Variants in PPIL6 observed in about 807,000 individuals in gnomAD.
The protein encoded by PPIL6 is probable inactive peptidyl-prolyl cis-trans isomerase-like 6.
Under a neutral mutation model 36.8 loss-of-function variants are expected in PPIL6, and 39 were observed. That is an observed-to-expected ratio of 1.06 (90% CI 0.82 to 1.38). The LOEUF is 1.38. Ranked by LOEUF, PPIL6 falls within the 40% of genes most tolerant of loss-of-function variation. The pLI is 0.00. For missense variants in PPIL6, 368 were observed against 379.1 expected, an observed-to-expected ratio of 0.97 and a Z score of 0.24; for synonymous variants, 123 against 134.1, an observed-to-expected ratio of 0.92 and a Z score of 0.57.
At chr6:109,402,989 T>TCTGC in intron 6 of PPIL6, 2 of 1,291,432 alleles carry the variant, frequency 1.5e-6, no homozygotes. Flanking sequence ...GTTATTTTGT[T>TCTGC]CTGCCGTGTC....
chr6:109,440,307 A>C lies in PPIL6; in HGVS notation c.135+149T>G, dbSNP rs966196178. ...ACTCTCCTCCCGGTCCTCCAGACGG[A>C]GCCCGCCCGGCCAGGACACGCCAGC... On this transcript the variant is annotated intron_variant, in intron 1 of 7. Coordinates refer to ENST00000521072, the MANE Select transcript of PPIL6 (RefSeq NM_173672.5). 3.4e-5 allele frequency: 35 copies of C among 1,022,128 alleles called. No individual in the cohort carries two copies. In the African/African-American group the frequency reaches 5.0e-4, roughly 15 times the overall value. The allele number at this position is 1,022,128 out of a possible 1,614,324, so 63.3% of individuals were successfully genotyped here. A position where few individuals can be genotyped will look rare whatever the true frequency, so the allele number is the denominator to read the frequency against.
In PPIL6 at chr6:109,398,073, G is replaced by T. The variant is rs547761627; in HGVS notation, c.824+1962C>A. On this transcript the variant is annotated intron_variant, in intron 7 of 7. Transcript: ENST00000521072. ...TGCCCAGCTAATTTTTGTATTTTTA[G>T]GAGAGATGGGGTTTCACCATGTTGG... Among the ~76,000 whole-genome samples the T allele has an allele frequency of 1.6e-4, 24 of 152,162 alleles. No homozygotes were observed. The Middle Eastern group carries it at 0.01, about 65-fold the overall frequency.
rs1774424734 is a variant in PPIL6 at position 109,435,989 on chromosome 6, A to C, written c.231+115T>G. On this transcript the variant is annotated intron_variant, in intron 2 of 7. Transcript: ENST00000521072. ...TTAGGAAAAGTACGTAATGTAGAGA[A>C]ATAAAATCTAGTTACACTAAAATTA... 9.4e-6 allele frequency: 7 copies of C among 742,166 alleles called. No homozygotes were observed. In the Admixed American group the frequency reaches 1.5e-4, roughly 16 times the overall value. The allele number at this position is 742,166 out of a possible 1,614,324, so 46.0% of individuals were successfully genotyped here. A position where few individuals can be genotyped will look rare whatever the true frequency, so the allele number is the denominator to read the frequency against.
intron 5 of PPIL6, among the ~76,000 whole-genome samples, chr6:109,425,715 A>C (rs1012943947): frequency 6.7e-6 from 1 of 149,720 alleles, no homozygotes; most frequent in African/African-American, 2.5e-5. Flanking sequence ...GTGCCACTGC[A>C]CTACAGCCTG....
chr6:109,416,200 C>CT (rs35427534), intron 6 of PPIL6, among the ~76,000 whole-genome samples: 14,935 of 112,500 alleles, frequency 0.13, 1,286 homozygotes, highest in East Asian at 0.34. Context: ...TCTTTTGTGG[C>CT]TTTTTTTTTT....
intron 6 of PPIL6, among the ~76,000 whole-genome samples, chr6:109,400,953 G>A (rs1382267920): frequency 3.3e-5 from 5 of 151,728 alleles, no homozygotes; most frequent in Admixed American, 2.0e-4. Flanking sequence ...TCCGCCTCCC[G>A]GGTTCACGCC....
chr6:109,429,808 C>T (rs1774031479), intron 3 of PPIL6, among the ~76,000 whole-genome samples: 2 of 152,200 alleles, frequency 1.3e-5, no homozygotes, highest in African/African-American at 4.8e-5. Context: ...AGCTGTTGTC[C>T]AGCTTTCCTG....
chr6:109,428,832 T>C (rs1222443164), intron 3 of PPIL6, among the ~76,000 whole-genome samples: 1 of 152,116 alleles, frequency 6.6e-6, no homozygotes, highest in East Asian at 1.9e-4. Flanking sequence ...GGAGGCATAA[T>C]ATAGTAAACT....
chr6:109,413,090 G>A lies in PPIL6; in HGVS notation c.688+6097C>T, dbSNP rs1222719641. On this transcript the variant is annotated intron_variant, in intron 6 of 7. Transcript: ENST00000521072. The surrounding 1 kb of genome is among the most constrained non-coding windows in gnomAD (Gnocchi z 4.6). ...GGAGAATTGCTTGAACCCAGGCAGC[G>A]GAGGTTGCAGTGAGCTGAGATGGCA... is the stretch of plus-strand genomic sequence containing the variant. Among the ~76,000 whole-genome samples the A allele has an allele frequency of 9.9e-5, 15 of 152,248 alleles. No homozygotes were observed. The South Asian group carries it at 1.7e-3, about 17-fold the overall frequency.
rs1375388453 is a variant in PPIL6, at chr6:109,399,099, TTTA to T, written c.824+933_824+935del. On this transcript the variant is annotated intron_variant, in intron 7 of 7. Transcript: ENST00000521072. Reference sequence around the variant, plus strand: ...CACCACCACACCCAGCTAATTTTTATTTATTTATTTATTTATTTATTTATTTAA... The same window carrying T: ...CACCACCACACCCAGCTAATTTTTATTTTATTTATTTATTTATTTATTTAA... Among the ~76,000 whole-genome samples, 17 of 77,154 alleles carry T rather than the reference TTTA, an allele frequency of 2.2e-4. No homozygotes were observed. The Admixed American group carries it at 2.4e-3, about 11-fold the overall frequency. The allele number at this position is 77,154 out of a possible 152,430, so 50.6% of individuals were successfully genotyped here. A position where few individuals can be genotyped will look rare whatever the true frequency, so the allele number is the denominator to read the frequency against.
At chr6:109,438,087 T>C (rs1562277063) in intron 1 of PPIL6, among the ~76,000 whole-genome samples, 1 of 152,170 alleles carries the variant, frequency 6.6e-6, no homozygotes, top group Non-Finnish European at 1.5e-5. Flanking sequence ...ATATAATAAT[T>C]GCACATATTT....
At chr6:109,433,483 C>T (rs995823521) in intron 2 of PPIL6, among the ~76,000 whole-genome samples, 4 of 152,252 alleles carry the variant, frequency 2.6e-5, no homozygotes, top group Non-Finnish European at 5.9e-5. Flanking sequence ...CTTCCTCTGT[C>T]TCCTCTATAC....
At position 109,390,431 on chromosome 6, in the gene PPIL6, C is replaced by A. The variant is rs1426410379; in HGVS notation, c.*2395G>T. 2 of 152,126 alleles carry A rather than the reference C, an allele frequency of 1.3e-5. No individual in the cohort carries two copies. Among genetic ancestry groups the A allele is most frequent in the African/African-American group, 4.8e-5 (2 of 41,424 alleles). The allele number at this position is 152,126 out of a possible 1,614,324, so 9.4% of individuals were successfully genotyped here. ...GGAATGGCAGAGCCAGGATTCTGGCCCTAGAACACACATTCTTAACACTAT... is the reference window on the plus strand; with the variant it reads ...GGAATGGCAGAGCCAGGATTCTGGCACTAGAACACACATTCTTAACACTAT... On this transcript the variant is annotated 3_prime_UTR_variant, in exon 8 of 8. Coordinates refer to ENST00000521072, the MANE Select transcript of PPIL6 (RefSeq NM_173672.5).
At chr6:109,405,407 C>T (rs1347408308) in intron 6 of PPIL6, among the ~76,000 whole-genome samples, 3 of 152,170 alleles carry the variant, frequency 2.0e-5, no homozygotes, top group Non-Finnish European at 4.4e-5. Context: ...TTACCTCCAT[C>T]CCTTTCTTTT....
intron 3 of PPIL6, among the ~76,000 whole-genome samples, chr6:109,430,670 CTG>C (rs1774093751): frequency 6.6e-6 from 1 of 152,216 alleles, no homozygotes; most frequent in South Asian, 2.1e-4. Context: ...TGTGATCCAC[CTG>C]CCTTGGCCTC....
chr6:109,390,395 T>G lies in PPIL6; in HGVS notation c.*2431A>C, dbSNP rs1772055134. The G allele has an allele frequency of 6.6e-6, 1 of 152,242 alleles. No homozygotes were observed. Among genetic ancestry groups the G allele is most frequent in the Admixed American group, 6.5e-5 (1 of 15,288 alleles). The allele number at this position is 152,242 out of a possible 1,614,324, so 9.4% of individuals were successfully genotyped here. On this transcript the variant is annotated 3_prime_UTR_variant, in exon 8 of 8. Transcript: ENST00000521072. ...GCACAGAAAAGTTCTTGCCTGAGTT[T>G]GTGCAGCTAGGGAATGGCAGAGCCA...
In PPIL6 at chr6:109,403,373, A is replaced by G. The variant is rs906385070; in HGVS notation, c.689-3203T>C. ...CATTTCATTTAACACTTAAAACATT[A>G]AGTTGCTTTATACTTCCATGATATC... On this transcript the variant is annotated intron_variant, in intron 6 of 7. Transcript: ENST00000521072. Among the ~76,000 whole-genome samples the G allele has an allele frequency of 3.9e-5, 6 of 152,160 alleles. No individual in the cohort carries two copies. In the East Asian group the frequency reaches 1.2e-3, roughly 29 times the overall value.
intron 6 of PPIL6, among the ~76,000 whole-genome samples, chr6:109,407,653 C>T (rs992999569): frequency 6.6e-6 from 1 of 152,142 alleles, no homozygotes; most frequent in Non-Finnish European, 1.5e-5. Flanking sequence ...TCCATAATTA[C>T]TCAATGACTT....
intron 6 of PPIL6, among the ~76,000 whole-genome samples, chr6:109,407,325 T>C (rs1442032396): frequency 2.6e-5 from 4 of 151,982 alleles, no homozygotes; most frequent in Admixed American, 6.6e-5. Context: ...CTGCAAGCTC[T>C]GCCTCCCGGG....
Sources: gnomAD v4.1 joint callset for allele counts (sites outside exome capture counted in the v4.1 genomes callset) on GRCh38, gnomAD v4.1.1 for gene constraint, Gnocchi (gnomAD v3.1) non-coding constraint, MANE v1.5 for transcripts, NCBI Gene and HGNC (gene_info 2026-07-23, HGNC 2026-07-21) for gene names.